The following EIF4E3 variants were observed in gnomAD, a reference collection of about 807,000 sequenced individuals.
EIF4E3 encodes the protein eukaryotic translation initiation factor 4E family member 3.
EIF4E3 carries 26 observed loss-of-function variants against 31.7 expected under a neutral mutation model. The ratio of observed to expected loss-of-function variants is 0.82; its 90% confidence interval spans 0.60 to 1.14. EIF4E3 has a LOEUF of 1.14. Ranked by LOEUF, EIF4E3 falls within the 50% of genes most tolerant of loss-of-function variation. The pLI, the probability that EIF4E3 is intolerant of heterozygous loss-of-function variation, is 0.00. For missense variants in EIF4E3, 304 were observed against 270.9 expected (o/e 1.12, Z -0.86); for synonymous variants, 128 against 107.7 (o/e 1.19, Z -1.17).
rs528120763 is a variant in EIF4E3 at position 71,710,495 on chromosome 3, A to G, written c.177-11T>C. ...GCACCAGGGAGGGATCTAGGCAAGCAGGAGCAGGACAAAGACACAAACAAA... is the reference window on the plus strand; with the variant it reads ...GCACCAGGGAGGGATCTAGGCAAGCGGGAGCAGGACAAAGACACAAACAAA... On this transcript the variant is annotated splice_polypyrimidine_tract_variant and intron_variant, in intron 1 of 6. Transcript: ENST00000425534. 154 of 1,551,858 alleles carry G rather than the reference A, an allele frequency of 9.9e-5. 3 individuals carry two copies. In the South Asian group the frequency reaches 1.7e-3, roughly 18 times the overall value.
downstream of EIF4E3, among the ~76,000 whole-genome samples, chr3:71,671,241 G>C (rs77795009): frequency 0.02 from 3,014 of 152,208 alleles, 97 homozygotes; most frequent in African/African-American, 0.069. Context: ...TTCTCTGCTG[G>C]AGAGCAGAGA....
chr3:71,735,513 T>G (rs2049753568), intron 1 of EIF4E3, among the ~76,000 whole-genome samples: 1 of 152,338 alleles, frequency 6.6e-6, no homozygotes, highest in South Asian at 2.1e-4. Flanking sequence ...TTGAGGAGAC[T>G]TGCTAATAGG....
At chr3:71,733,938 C>T (rs1454051962) in intron 1 of EIF4E3, among the ~76,000 whole-genome samples, 1 of 152,188 alleles carries the variant, frequency 6.6e-6, no homozygotes, top group Non-Finnish European at 1.5e-5. Context: ...GCAAAATGCA[C>T]CATTCAGAAA....
Position 71,684,602 on chromosome 3 carries a change from T to C in EIF4E3, c.*80A>G. The C allele has an allele frequency of 1.3e-6, 2 of 1,568,408 alleles. No individual in the cohort carries two copies. Among genetic ancestry groups the C allele is most frequent in the Non-Finnish European group, 1.7e-6 (2 of 1,143,236 alleles). ...ATTGACCAGCATCGGCTTCGGCAAG[T>C]CTTCTCTTCACTCTCCCTCCTGTTA... On this transcript the variant is annotated 3_prime_UTR_variant, in exon 7 of 7. Coordinates refer to ENST00000425534, the MANE Select transcript of EIF4E3 (RefSeq NM_001134651.2).
chr3:71,703,537 C>T (rs1026493420), intron 2 of EIF4E3, among the ~76,000 whole-genome samples: 5 of 152,040 alleles, frequency 3.3e-5, no homozygotes, highest in African/African-American at 1.2e-4. Context: ...ATGGTTAGAC[C>T]CATTAATATG....
intron 1 of EIF4E3, among the ~76,000 whole-genome samples, chr3:71,720,204 G>A (rs1002721032): frequency 1.3e-5 from 2 of 151,664 alleles, no homozygotes; most frequent in South Asian, 2.1e-4. Context: ...TTGTAGAGGC[G>A]GGTCTCATTC....
the EIF4E3 span, among the ~76,000 whole-genome samples, chr3:71,667,461 ATC>A: frequency 6.6e-6 from 1 of 152,188 alleles, no homozygotes; most frequent in African/African-American, 2.4e-5. Flanking sequence ...AAGTCAAATT[ATC>A]TCTGTTTGCA....
chr3:71,693,651 T>C (rs1274811188), intron 5 of EIF4E3, among the ~76,000 whole-genome samples: 2 of 152,086 alleles, frequency 1.3e-5, no homozygotes, highest in Non-Finnish European at 2.9e-5. Flanking sequence ...TATACATACA[T>C]ATATAAATAT....
intron 2 of EIF4E3, among the ~76,000 whole-genome samples, chr3:71,704,198 G>C (rs920701420): frequency 1.3e-5 from 2 of 152,210 alleles, no homozygotes; most frequent in African/African-American, 4.8e-5. Flanking sequence ...AGGATGTGAG[G>C]GTAATTTCCC....
intron 2 of EIF4E3, among the ~76,000 whole-genome samples, chr3:71,704,859 C>A (rs531146163): frequency 1.9e-4 from 29 of 152,324 alleles, no homozygotes; most frequent in African/African-American, 7.0e-4. Flanking sequence ...AATACACAGA[C>A]ACAACAGCCT....
At chr3:71,664,549 G>A in the EIF4E3 span, among the ~76,000 whole-genome samples, 1 of 152,074 alleles carries the variant, frequency 6.6e-6, no homozygotes, top group South Asian at 2.1e-4. Flanking sequence ...CACAACCTTG[G>A]GGCTTACTGG....
intron 2 of EIF4E3, among the ~76,000 whole-genome samples, chr3:71,701,794 G>A (rs1377764663): frequency 6.6e-6 from 1 of 152,036 alleles, no homozygotes; most frequent in Non-Finnish European, 1.5e-5. Context: ...TCAAATTGAA[G>A]GCAAAAAACT....
Position 71,725,134 on chromosome 3 carries a change from G to C in EIF4E3, c.176+58C>G. ...GCGAGGGGCCGCGCCGAGACAAAGC[G>C]GCGGTGGCGGCAGGACCCGGGTCGG... On this transcript the variant is annotated intron_variant, in intron 1 of 6. Coordinates refer to ENST00000425534, the MANE Select transcript of EIF4E3 (RefSeq NM_001134651.2). This position sits in a 1 kb window ranked among gnomAD's most constrained non-coding sequence, Gnocchi z 6.1. 1 of 1,023,884 alleles carries C rather than the reference G, an allele frequency of 9.8e-7. No individual in the cohort carries two copies. The highest frequency in any genetic ancestry group is 1.2e-6 in the Non-Finnish European group (1 of 855,550). The allele number at this position is 1,023,884 out of a possible 1,614,324, so 63.4% of individuals were successfully genotyped here.
At chr3:71,726,730 G>A (rs1299188983), upstream of EIF4E3, among the ~76,000 whole-genome samples, 1 of 152,314 alleles carries the variant, frequency 6.6e-6, no homozygotes, top group South Asian at 2.1e-4. Flanking sequence ...GTCACATAAA[G>A]TGACAATAAT....
chr3:71,731,233 T>C (rs2049703077), intron 1 of EIF4E3, among the ~76,000 whole-genome samples: 2 of 152,122 alleles, frequency 1.3e-5, no homozygotes, highest in South Asian at 4.1e-4. Context: ...AAACCCAGAC[T>C]CTTTCTGGTG....
chr3:71,684,876 A>C (rs2048970883), intron 6 of EIF4E3, 148 bp from the exon 7 acceptor site: 2 of 736,196 alleles, frequency 2.7e-6, no homozygotes, highest in South Asian at 4.2e-5. Flanking sequence ...TTTTTTTGCC[A>C]GTAACTGTTA....
chr3:71,659,862 T>C, the EIF4E3 span, among the ~76,000 whole-genome samples: 1 of 152,074 alleles, frequency 6.6e-6, no homozygotes, highest in Non-Finnish European at 1.5e-5. Flanking sequence ...TAAGTTTTGT[T>C]AAGAAAGCGG....
At chr3:71,742,104 A>G (rs2049826927) in intron 1 of EIF4E3, among the ~76,000 whole-genome samples, 1 of 152,206 alleles carries the variant, frequency 6.6e-6, no homozygotes, top group African/African-American at 2.4e-5. Context: ...AGAAAATAAA[A>G]GCAAATAGGA....
chr3:71,673,348 C>T (rs2048856137), downstream of EIF4E3, among the ~76,000 whole-genome samples: 1 of 152,088 alleles, frequency 6.6e-6, no homozygotes, highest in East Asian at 1.9e-4. Context: ...CAGGTATATA[C>T]ATGAAGACAC....
Sources: allele counts gnomAD v4.1 joint callset (sites outside exome capture counted in the v4.1 genomes callset), GRCh38; gene constraint gnomAD v4.1.1; non-coding constraint Gnocchi (gnomAD v3.1); transcripts MANE v1.5; gene names NCBI Gene and HGNC (gene_info 2026-07-23, HGNC 2026-07-21).